Variants in ADAMTS17 observed in about 807,000 individuals in gnomAD.
ADAMTS17 encodes A disintegrin and metalloproteinase with thrombospondin motifs 17.
Under a neutral mutation model 141.5 loss-of-function variants are expected in ADAMTS17, and 113 were observed. That is an observed-to-expected ratio of 0.80 (90% confidence interval 0.69 to 0.93). The LOEUF is 0.93. Among genes scored for constraint, ADAMTS17 ranks in the 40% least tolerant of loss-of-function variants. The pLI, the probability that ADAMTS17 is intolerant of heterozygous loss-of-function variation, is 0.00. For synonymous variants in ADAMTS17, 768 were observed against 630.6 expected, an observed-to-expected ratio of 1.22 and a Z score of -3.27; for missense variants, 1,659 against 1,517.9, an observed-to-expected ratio of 1.09 and a Z score of -1.54.
intron 3 of ADAMTS17, among the ~76,000 whole-genome samples, chr15:100,301,307 T>C (rs62038077): frequency 0.2 from 29,949 of 150,874 alleles, 3,735 homozygotes; most frequent in South Asian, 0.38. Flanking sequence ...TTTCTCTCTC[T>C]ACTGTTCTAT....
At chr15:100,063,800 C>T in intron 15 of ADAMTS17, 11 of 1,265,804 alleles carry the variant, frequency 8.7e-6, no homozygotes, top group Non-Finnish European at 1.0e-5. Context: ...ACACCTCCAC[C>T]CTGCACCAGA....
intron 3 of ADAMTS17, among the ~76,000 whole-genome samples, chr15:100,320,635 C>A (rs2045704621): frequency 6.6e-6 from 1 of 152,124 alleles, no homozygotes; most frequent in African/African-American, 2.4e-5. Context: ...GAGATGGCGA[C>A]CAGCCTGGGC....
rs553556000 is a variant in ADAMTS17, at chr15:100,302,143, G to A, written c.617-20742C>T. Among the ~76,000 whole-genome samples the A allele has an allele frequency of 5.3e-5, 8 of 152,108 alleles. No homozygotes were observed. The East Asian group carries it at 1.3e-3, about 26-fold the overall frequency. ...CTGTCTCCAGATTTGCCTATTCTGG[G>A]TATTTCACATTAACAGAATCATATA... On this transcript the variant is annotated intron_variant, in intron 3 of 21. Coordinates refer to ENST00000268070, the MANE Select transcript of ADAMTS17 (RefSeq NM_139057.4).
chr15:100,204,900 A>T (rs1421812839), intron 7 of ADAMTS17, among the ~76,000 whole-genome samples: 1 of 152,214 alleles, frequency 6.6e-6, no homozygotes, highest in Non-Finnish European at 1.5e-5. Context: ...GAAGCCTTCC[A>T]GACTTTCCCC....
chr15:100,061,222 G>A (rs565255452), intron 15 of ADAMTS17, among the ~76,000 whole-genome samples: 4 of 152,232 alleles, frequency 2.6e-5, no homozygotes, highest in African/African-American at 9.6e-5. Context: ...GCCATGATTG[G>A]ACAGAGTAAT....
rs542270982 is a variant in ADAMTS17 at position 100,243,307 on chromosome 15, G to A, written c.1075+10829C>T. 3.9e-5 allele frequency among the ~76,000 whole-genome samples: 6 copies of A among 152,326 alleles called. No individual in the cohort carries two copies. The South Asian group carries it at 1.2e-3, about 32-fold the overall frequency. ...TATGAAGATGGATGTACAAATATCT[G>A]AGTCCCTGCTTTCAATTCTTTTGGG... On this transcript the variant is annotated intron_variant, in intron 7 of 21. Transcript: ENST00000268070.
At chr15:100,124,185 T>G (rs1420986029) in intron 12 of ADAMTS17, among the ~76,000 whole-genome samples, 1 of 152,122 alleles carries the variant, frequency 6.6e-6, no homozygotes, top group Non-Finnish European at 1.5e-5. Context: ...AGGCTAGTCA[T>G]GAACTCCTGG....
chr15:100,228,558 C>A (rs952948809), intron 7 of ADAMTS17, among the ~76,000 whole-genome samples: 1 of 152,130 alleles, frequency 6.6e-6, no homozygotes, highest in Admixed American at 6.5e-5. Flanking sequence ...TGAGAGTGAG[C>A]AGGTACATTT....
chr15:100,032,601 T>C (rs1459972654), intron 18 of ADAMTS17, among the ~76,000 whole-genome samples: 1 of 152,210 alleles, frequency 6.6e-6, no homozygotes, highest in South Asian at 2.1e-4. Context: ...GATGACTCTC[T>C]TGCCCCGCTT....
At chr15:100,129,720 G>C (rs183106868) in intron 12 of ADAMTS17, 1 of 151,108 alleles carries the variant, frequency 6.6e-6, no homozygotes, top group African/African-American at 2.4e-5. Flanking sequence ...TACAGCCTGG[G>C]CAACAAGAGC....
intron 8 of ADAMTS17, among the ~76,000 whole-genome samples, chr15:100,165,301 A>G (rs1001539972): frequency 2.0e-5 from 3 of 152,206 alleles, no homozygotes; most frequent in African/African-American, 7.2e-5. Context: ...GGGATCAATC[A>G]ATGGCTTGAC....
chr15:100,297,136 TAGG>T (rs2044851158), intron 3 of ADAMTS17, among the ~76,000 whole-genome samples: 1 of 151,776 alleles, frequency 6.6e-6, no homozygotes. Flanking sequence ...GGAGAGGAGC[TAGG>T]AGGAGTCCAG....
intron 3 of ADAMTS17, among the ~76,000 whole-genome samples, chr15:100,299,398 G>A (rs894262208): frequency 1.3e-5 from 2 of 150,038 alleles, no homozygotes; most frequent in South Asian, 2.1e-4. Flanking sequence ...AAAAACAAAC[G>A]CCAGTACTTA....
intron 3 of ADAMTS17, among the ~76,000 whole-genome samples, chr15:100,316,270 C>T (rs565063129): frequency 4.6e-5 from 7 of 152,278 alleles, no homozygotes; most frequent in South Asian, 2.1e-4. Context: ...CTGGCCCAGC[C>T]CCTCCTCAAG....
In ADAMTS17 at chr15:100,205,769, C is replaced by T. The variant is rs183259009; in HGVS notation, c.1076-6346G>A. Among the ~76,000 whole-genome samples, 145 of 152,352 alleles carry T rather than the reference C, an allele frequency of 9.5e-4. 1 individual carries two copies. Among genetic ancestry groups the T allele is most frequent in the Admixed American group, 3.6e-3 (55 of 15,312 alleles). ...GCAGAGTCTAAGCTGAGCAGGCACA[C>T]GCCTAGGGGAAGCAGCCTCCAGGCC... On this transcript the variant is annotated intron_variant, in intron 7 of 21. Transcript: ENST00000268070.
At chr15:100,178,644 T>G (rs2040420306) in intron 8 of ADAMTS17, among the ~76,000 whole-genome samples, 1 of 152,216 alleles carries the variant, frequency 6.6e-6, no homozygotes, top group South Asian at 2.1e-4. Flanking sequence ...ATTGTTCTGT[T>G]GTTCTTTTAC....
intron 7 of ADAMTS17, among the ~76,000 whole-genome samples, chr15:100,225,562 G>T (rs2042272063): frequency 7.1e-6 from 1 of 140,170 alleles, no homozygotes; most frequent in African/African-American, 2.5e-5. Context: ...CGGTCTCTGT[G>T]CCATTCAGTC....
At chr15:100,286,262 T>A (rs1191845788) in intron 3 of ADAMTS17, among the ~76,000 whole-genome samples, 1 of 152,168 alleles carries the variant, frequency 6.6e-6, no homozygotes, top group African/African-American at 2.4e-5. Flanking sequence ...GCCCTACCAC[T>A]GATGGCAGAG....
chr15:100,048,757 A>T, intron 18 of ADAMTS17, 100 bp downstream of exon 18: 2 of 1,530,856 alleles, frequency 1.3e-6, no homozygotes, highest in Admixed American at 3.4e-5. Flanking sequence ...AACACAGCAT[A>T]GAGCAGTACT....
Sources: gnomAD v4.1 joint callset for allele counts (sites outside exome capture counted in the v4.1 genomes callset) on GRCh38, gnomAD v4.1.1 for gene constraint, MANE v1.5 for transcripts, NCBI Gene and HGNC (gene_info 2026-07-23, HGNC 2026-07-21) for gene names.